The following LBR variants were observed in gnomAD, a reference collection of about 807,000 sequenced individuals.
LBR encodes the protein lamin B receptor, also known as delta(14)-sterol reductase LBR.
A neutral mutation model predicts 74.3 loss-of-function variants in LBR; 28 were observed. The observed-to-expected ratio is 0.38, with a 90% confidence interval of 0.28 to 0.52. The LOEUF (loss-of-function observed/expected upper bound fraction) is 0.52. Ranked by LOEUF, LBR falls within the 20% of genes least tolerant of loss-of-function variation. The pLI is 0.89. For missense variants in LBR, 717 were observed against 760.3 expected (o/e 0.94, Z 0.67); for synonymous variants, 228 against 269.3 (o/e 0.85, Z 1.50).
At chr1:225,411,722 T>TC (rs1164465895) in intron 8 of LBR, among the ~76,000 whole-genome samples, 1 of 152,188 alleles carries the variant, frequency 6.6e-6, no homozygotes, top group Non-Finnish European at 1.5e-5. Flanking sequence ...GACTTTACAC[T>TC]CCATTTTTTT....
intron 1 of LBR, among the ~76,000 whole-genome samples, chr1:225,426,047 C>T (rs957375220): frequency 3.3e-5 from 5 of 152,212 alleles, no homozygotes; most frequent in African/African-American, 1.2e-4. Context: ...CAAGTTAACA[C>T]ATATGGTGGA....
chr1:225,428,478 T>G (rs2096145787), upstream of LBR, among the ~76,000 whole-genome samples: 1 of 152,122 alleles, frequency 6.6e-6, no homozygotes, highest in Admixed American at 6.5e-5. Context: ...CTTGAAGTGA[T>G]CACCAAAGAT....
At chr1:225,411,523 G>A in intron 8 of LBR, 83 bp from the exon 9 acceptor site, 2 of 980,416 alleles carry the variant, frequency 2.0e-6, no homozygotes, top group Admixed American at 3.4e-5. Flanking sequence ...CCACTATCCA[G>A]GCTCACAATT....
At chr1:225,428,128 C>CT (rs2096144872), upstream of LBR, 1 of 152,148 alleles carries the variant, frequency 6.6e-6, no homozygotes, top group Non-Finnish European at 1.5e-5. Context: ...CTCCCCTCGC[C>CT]TCCCCTCCCC....
intron 5 of LBR, 27 bp downstream of exon 5, chr1:225,419,236 C>T (rs371153015): frequency 5.0e-6 from 8 of 1,612,292 alleles, no homozygotes; most frequent in African/African-American, 1.3e-5. Flanking sequence ...CCCACCTGCC[C>T]TCTCTGGGCC....
intron 10 of LBR, among the ~76,000 whole-genome samples, chr1:225,408,260 G>A (rs974051769): frequency 3.3e-5 from 5 of 152,016 alleles, no homozygotes; most frequent in South Asian, 2.1e-4. Context: ...CTTTTTTAGC[G>A]CCCACATATA....
At chr1:225,406,455 ATC>A (rs1358879867) in intron 11 of LBR, 1 of 460,610 alleles carries the variant, frequency 2.2e-6, no homozygotes, top group Non-Finnish European at 3.9e-6. Context: ...GTTTAAAATA[ATC>A]TGTTTCAAGT....
intron 6 of LBR, among the ~76,000 whole-genome samples, chr1:225,416,644 T>A (rs1039523648): frequency 5.9e-5 from 9 of 152,152 alleles, no homozygotes; most frequent in Non-Finnish European, 1.3e-4. Context: ...AATATATAGA[T>A]CCAAATATAC....
intron 1 of LBR, among the ~76,000 whole-genome samples, chr1:225,424,488 T>C (rs2096135399): frequency 6.6e-6 from 1 of 152,244 alleles, no homozygotes; most frequent in African/African-American, 2.4e-5. Context: ...ATTGCCTTTA[T>C]TAAAAACAGC....
chr1:225,408,030 G>A (rs557021273), intron 10 of LBR, among the ~76,000 whole-genome samples: 1 of 152,180 alleles, frequency 6.6e-6, no homozygotes, highest in Non-Finnish European at 1.5e-5. Flanking sequence ...TTCTTTCTTT[G>A]TGTTAGGAAT....
intron 10 of LBR, among the ~76,000 whole-genome samples, chr1:225,408,963 G>A (rs563896471): frequency 6.6e-6 from 1 of 152,288 alleles, no homozygotes; most frequent in South Asian, 2.1e-4. Flanking sequence ...AGAAAGGAAG[G>A]TTTAAAGAAG....
intron 2 of LBR, among the ~76,000 whole-genome samples, chr1:225,423,643 C>G (rs1228939089): frequency 6.6e-6 from 1 of 152,208 alleles, no homozygotes; most frequent in Non-Finnish European, 1.5e-5. Flanking sequence ...ACACCACCCA[C>G]AGCAAACTCC....
At chr1:225,413,890 C>T in intron 7 of LBR, 2 of 454,436 alleles carry the variant, frequency 4.4e-6, no homozygotes, top group South Asian at 3.1e-5. Flanking sequence ...AAGTGCTGTG[C>T]TCAGTCTCTG....
intron 11 of LBR, among the ~76,000 whole-genome samples, chr1:225,406,088 A>G (rs2096090942): frequency 6.6e-6 from 1 of 151,714 alleles, no homozygotes; most frequent in African/African-American, 2.4e-5. Flanking sequence ...CCCACCACAC[A>G]CCCTTGCTGA....
At position 225,422,289 on chromosome 1, in the gene LBR, G is replaced by A. The variant is rs1259998506; in HGVS notation, c.166-12C>T. On this transcript the variant is annotated splice_polypyrimidine_tract_variant and intron_variant, in intron 2 of 13. Transcript: ENST00000272163. The stretch of plus-strand genomic sequence containing the variant: ...AAGGAAGTTAAAGGCTAGAAAGGGG[G>A]AAGAAGGCAAAGAGCTTTACCACAA... 1.9e-6 allele frequency: 3 copies of A among 1,608,568 alleles called. No individual in the cohort carries two copies. Among genetic ancestry groups the A allele is most frequent in the Non-Finnish European group, 2.5e-6 (3 of 1,176,574 alleles).
intron 10 of LBR, among the ~76,000 whole-genome samples, chr1:225,409,991 C>T (rs2096101335): frequency 6.6e-6 from 1 of 152,282 alleles, no homozygotes; most frequent in African/African-American, 2.4e-5. Flanking sequence ...TCATGTGATA[C>T]CATAATTACC....
At chr1:225,420,215 C>A (rs2096125238) in intron 3 of LBR, among the ~76,000 whole-genome samples, 1 of 150,702 alleles carries the variant, frequency 6.6e-6, no homozygotes, top group Non-Finnish European at 1.5e-5. Context: ...GAAGCTGAGG[C>A]AGGAAAATCT....
chr1:225,422,352 A>G, intron 2 of LBR, 75 bp from the exon 3 acceptor site: 1 of 1,218,072 alleles, frequency 8.2e-7, no homozygotes, highest in Non-Finnish European at 1.2e-6. Flanking sequence ...CTAGAAGAGG[A>G]TAACAAAGGC....
chr1:225,419,787 T>G lies in LBR; in HGVS notation c.378A>C (p.Gly126=). ...CCCCATTATATCTGCTGATGCTATT[T>G]CCAAATGGCTTCTAAATTGAAGAAT... ...KLTPLILKPF[G]NSISRYNGEP... Residue 126 remains glycine, a synonymous_variant, in exon 4 of 14, where the codon GGA becomes GGC. Transcript: ENST00000272163. The G allele has an allele frequency of 6.2e-7, 1 of 1,606,962 alleles. No homozygotes were observed. The highest frequency in any genetic ancestry group is 8.5e-7 in the Non-Finnish European group (1 of 1,173,886).
Sources: allele counts gnomAD v4.1 joint callset (sites outside exome capture counted in the v4.1 genomes callset), GRCh38; gene constraint gnomAD v4.1.1; transcripts MANE v1.5; gene names NCBI Gene and HGNC (gene_info 2026-07-23, HGNC 2026-07-21).